The following ZDHHC15 variants were observed in gnomAD, a reference collection of about 807,000 sequenced individuals.
The protein encoded by ZDHHC15 is palmitoyltransferase ZDHHC15.
ZDHHC15 carries 19 observed loss-of-function variants against 31.7 expected under a neutral mutation model. The ratio of observed to expected loss-of-function variants is 0.60; its 90% confidence interval spans 0.42 to 0.88. The LOEUF (loss-of-function observed/expected upper bound fraction) is 0.88, where lower values mean the gene tolerates loss of function less well. Ranked by LOEUF, ZDHHC15 falls within the 40% of genes least tolerant of loss-of-function variation. ZDHHC15 has a pLI of 0.00. For missense variants in ZDHHC15, 209 were observed against 251.2 expected, an observed-to-expected ratio of 0.83 and a Z score of 1.14; for synonymous variants, 103 against 90.0, an observed-to-expected ratio of 1.14 and a Z score of -0.82.
intron 3 of ZDHHC15, among the ~76,000 whole-genome samples, chrX:75,454,923 C>A (rs1244288995): frequency 1.8e-5 from 2 of 111,145 alleles, no homozygotes; most frequent in South Asian, 7.5e-4. Context: ...AATCAATATC[C>A]TGAAAATGGC....
chrX:75,514,578 C>A (rs1027039220), intron 1 of ZDHHC15, among the ~76,000 whole-genome samples: 1 of 111,654 alleles, frequency 9.0e-6, no homozygotes, highest in African/African-American at 3.3e-5. Flanking sequence ...TGAGCCGAAG[C>A]GGGGCGGGGC....
chrX:75,478,363 C>T (rs1027791259), intron 3 of ZDHHC15, among the ~76,000 whole-genome samples: 1 of 110,951 alleles, frequency 9.0e-6, no homozygotes, highest in Non-Finnish European at 1.9e-5. Flanking sequence ...AATTATATCA[C>T]CAATGCAGGT....
rs200688944 is a variant in ZDHHC15, at chrX:75,464,168, G to A, written c.259-13246C>T. Among the ~76,000 whole-genome samples, 4 of 110,817 alleles carry A rather than the reference G, an allele frequency of 3.6e-5. No homozygotes were observed. The Admixed American group carries it at 3.9e-4, about 11-fold the overall frequency. On this transcript the variant is annotated intron_variant, in intron 3 of 11. Coordinates refer to ENST00000373367, the MANE Select transcript of ZDHHC15 (RefSeq NM_144969.3). ...GATGAAGCTGGAAACCATCATTCTC[G>A]GCAAACTGTCACAAGGAGAAAACAC... is the stretch of plus-strand genomic sequence containing the variant.
Position 75,518,794 on chromosome X carries a change from TATATATATATATACACAC to T in ZDHHC15, c.136+4077_136+4094del, listed in dbSNP as rs1301176494. 3.8e-4 allele frequency among the ~76,000 whole-genome samples: 10 copies of T among 26,407 alleles called. No homozygotes were observed. In the South Asian group the frequency reaches 0.012, roughly 31 times the overall value. 22.9% of individuals were successfully genotyped at this position (26,407 alleles called of 115,157 possible). On this transcript the variant is annotated intron_variant, in intron 1 of 11. Coordinates refer to ENST00000373367, the MANE Select transcript of ZDHHC15 (RefSeq NM_144969.3). ...GTATATATATATATATATATATATA[TATATATATATATACACAC>T]ACACACACACACACACACACACACA...
At chrX:75,431,172 G>A (rs748119193) in intron 5 of ZDHHC15, among the ~76,000 whole-genome samples, 2 of 112,146 alleles carry the variant, frequency 1.8e-5, no homozygotes, top group Non-Finnish European at 3.8e-5. Flanking sequence ...GGGAAACTGG[G>A]TGTGAGACAT....
chrX:75,519,625 C>CT (rs1330501175), intron 1 of ZDHHC15, among the ~76,000 whole-genome samples: 1 of 112,030 alleles, frequency 8.9e-6, no homozygotes, highest in Non-Finnish European at 1.9e-5. Context: ...GGTTTTATCC[C>CT]TGGAAAGAAG....
intron 10 of ZDHHC15, among the ~76,000 whole-genome samples, chrX:75,398,833 C>A (rs1602563661): frequency 9.0e-6 from 1 of 111,342 alleles, no homozygotes; most frequent in Admixed American, 9.5e-5. Context: ...CTGAAGTGGA[C>A]CCCCAGCACA....
At position 75,490,824 on chromosome X, in the gene ZDHHC15, T is replaced by C. The variant is rs187637409; in HGVS notation, c.164-11839A>G. Reference sequence around the variant, plus strand: ...TATTGGTGTATAAGAATGCTTGTGATTTTTGTACATTGATTTTGTATCCTG... The same window carrying C: ...TATTGGTGTATAAGAATGCTTGTGACTTTTGTACATTGATTTTGTATCCTG... On this transcript the variant is annotated intron_variant, in intron 2 of 11. Transcript: ENST00000373367. 3.6e-3 allele frequency among the ~76,000 whole-genome samples: 400 copies of C among 112,028 alleles called. 5 individuals are homozygous for C. Among genetic ancestry groups the C allele is most frequent in the African/African-American group, 0.012 (377 of 30,831 alleles).
At chrX:75,457,468 A>T (rs1052048606) in intron 3 of ZDHHC15, among the ~76,000 whole-genome samples, 1 of 111,217 alleles carries the variant, frequency 9.0e-6, no homozygotes, top group African/African-American at 3.3e-5. Flanking sequence ...TGATGTACAG[A>T]AGATCATGGT....
intron 9 of ZDHHC15, among the ~76,000 whole-genome samples, chrX:75,421,398 AT>A (rs1403378534): frequency 7.9e-5 from 2 of 25,365 alleles, no homozygotes; most frequent in Admixed American, 9.4e-4. Flanking sequence ...ATATATATAT[AT>A]TATATATATA....
intron 3 of ZDHHC15, among the ~76,000 whole-genome samples, chrX:75,461,762 C>A (rs1432345670): frequency 8.9e-6 from 1 of 112,080 alleles, no homozygotes; most frequent in Non-Finnish European, 1.9e-5. Context: ...GCCTGCCTTG[C>A]AAGACCTCCT....
chrX:75,424,695 A>G lies in ZDHHC15; in HGVS notation c.693T>C (p.Phe231=). Residue 231 remains phenylalanine (F), a synonymous_variant, in exon 8 of 12, where the codon TTT becomes TTC. Coordinates refer to ENST00000373367, the MANE Select transcript of ZDHHC15 (RefSeq NM_144969.3). The stretch of plus-strand genomic sequence containing the variant: ...TGCTGACAAGCCAACAATGGTAACC[A>G]AAGAGAATCACAAGGCTGACAAAAA... The part of the protein sequence containing the change: ...CMFFVSLVIL[F]GYHCWLVSRN... 1 of 1,207,799 alleles carries G rather than the reference A, an allele frequency of 8.3e-7. No individual in the cohort carries two copies. The highest frequency in any genetic ancestry group is 1.1e-6 in the Non-Finnish European group (1 of 893,719).
intron 10 of ZDHHC15, among the ~76,000 whole-genome samples, chrX:75,379,658 A>G (rs186887385): frequency 4.0e-4 from 45 of 112,414 alleles, no homozygotes; most frequent in Admixed American, 3.1e-3. Flanking sequence ...AACATCATTT[A>G]TGGTACAAAT....
intron 4 of ZDHHC15, among the ~76,000 whole-genome samples, chrX:75,449,666 TCCC>T (rs1178434041): frequency 8.9e-6 from 1 of 112,090 alleles, no homozygotes; most frequent in East Asian, 2.8e-4. Flanking sequence ...TAGTAAAATT[TCCC>T]CCATTGCCAT....
intron 3 of ZDHHC15, among the ~76,000 whole-genome samples, chrX:75,452,458 C>T (rs775511520): frequency 9.0e-6 from 1 of 111,210 alleles, no homozygotes; most frequent in Non-Finnish European, 1.9e-5. Flanking sequence ...TAACACCCCA[C>T]TGTCAATATT....
At chrX:75,385,304 A>C (rs2083168013) in intron 10 of ZDHHC15, among the ~76,000 whole-genome samples, 1 of 110,932 alleles carries the variant, frequency 9.0e-6, no homozygotes, top group South Asian at 3.9e-4. Flanking sequence ...ATCCTCTCAG[A>C]AGGTCCAGGG....
At chrX:75,445,423 A>G (rs980498640) in intron 4 of ZDHHC15, among the ~76,000 whole-genome samples, 1 of 112,042 alleles carries the variant, frequency 8.9e-6, no homozygotes, top group Non-Finnish European at 1.9e-5. Context: ...TAGCTGGGTG[A>G]CTATATATGA....
intron 1 of ZDHHC15, among the ~76,000 whole-genome samples, chrX:75,515,111 A>G (rs1407602423): frequency 9.0e-6 from 1 of 111,287 alleles, no homozygotes; most frequent in Non-Finnish European, 1.9e-5. Context: ...AAAGTCCAGG[A>G]CCAGATGGAT....
rs2083015616 is a variant in ZDHHC15, at chrX:75,372,678, T to C, written c.*300A>G. 9.0e-6 allele frequency: 1 copy of C among 111,550 alleles called. No homozygotes were observed. Among genetic ancestry groups the C allele is most frequent in the Non-Finnish European group, 1.9e-5 (1 of 53,061 alleles). The allele number at this position is 111,550 out of a possible 1,213,427, so 9.2% of individuals were successfully genotyped here. On this transcript the variant is annotated 3_prime_UTR_variant, in exon 12 of 12. Coordinates refer to ENST00000373367, the MANE Select transcript of ZDHHC15 (RefSeq NM_144969.3). ...ACCTGATAAGATGAATGAAAAGATA[T>C]ATTTTACATTTAGGCTTTCATGGAT...
Sources: gnomAD v4.1 joint callset for allele counts (sites outside exome capture counted in the v4.1 genomes callset) on GRCh38, gnomAD v4.1.1 for gene constraint, MANE v1.5 for transcripts, NCBI Gene and HGNC (gene_info 2026-07-23, HGNC 2026-07-21) for gene names.